Variants in GALNTL6 observed in about 807,000 individuals in gnomAD.
GALNTL6 encodes polypeptide N-acetylgalactosaminyltransferase like 6.
GALNTL6 carries 46 observed loss-of-function variants against 73.7 expected under a neutral mutation model. That is an observed-to-expected ratio of 0.62 (90% CI 0.49 to 0.80). The LOEUF (loss-of-function observed/expected upper bound fraction) is 0.80, where lower values mean the gene tolerates loss of function less well. Among genes scored for constraint, GALNTL6 ranks in the 30% least tolerant of loss-of-function variants. The pLI is 0.00. For missense variants in GALNTL6, 604 were observed against 755.0 expected, an observed-to-expected ratio of 0.80 and a Z score of 2.34; for synonymous variants, 259 against 263.7, an observed-to-expected ratio of 0.98 and a Z score of 0.17.
At chr4:172,536,850 A>G (rs1445400070) in intron 5 of GALNTL6, among the ~76,000 whole-genome samples, 1 of 152,202 alleles carries the variant, frequency 6.6e-6, no homozygotes, top group African/African-American at 2.4e-5. Flanking sequence ...GAGGAGCCAA[A>G]TGCTAATCAC....
intron 5 of GALNTL6, among the ~76,000 whole-genome samples, chr4:172,464,280 A>G (rs1362545876): frequency 6.6e-6 from 1 of 152,170 alleles, no homozygotes; most frequent in Non-Finnish European, 1.5e-5. Flanking sequence ...CAGGGGTAAT[A>G]ATAATAGTAA....
At chr4:171,945,348 T>G (rs1437195410) in intron 2 of GALNTL6, among the ~76,000 whole-genome samples, 1 of 152,054 alleles carries the variant, frequency 6.6e-6, no homozygotes, top group Admixed American at 6.6e-5. Context: ...TATGACCTGT[T>G]TAGAATTCTT....
chr4:172,760,157 A>G (rs999476238), intron 5 of GALNTL6, among the ~76,000 whole-genome samples: 3 of 151,722 alleles, frequency 2.0e-5, no homozygotes, highest in African/African-American at 4.8e-5. Flanking sequence ...TCTTATGTCA[A>G]CTTGGATTGT....
chr4:172,989,583 C>G (rs867127069), intron 10 of GALNTL6, among the ~76,000 whole-genome samples: 4 of 152,060 alleles, frequency 2.6e-5, no homozygotes, highest in African/African-American at 9.7e-5. Context: ...GCAGACTTCT[C>G]CCTTGCTGTT....
In GALNTL6 at chr4:171,982,336, C is replaced by T. The variant is rs548911472; in HGVS notation, c.138+167618C>T. The stretch of plus-strand genomic sequence containing the variant: ...TTTTTGATACGGAGTCTCGCTCTGT[C>T]ACCCAGGCTGGAGTGCAGTGGCGCG... On this transcript the variant is annotated intron_variant, in intron 2 of 12. Coordinates refer to ENST00000506823, the MANE Select transcript of GALNTL6 (RefSeq NM_001034845.3). 2.5e-3 allele frequency among the ~76,000 whole-genome samples: 388 copies of T among 152,258 alleles called. 3 individuals are homozygous for T. Among genetic ancestry groups the T allele is most frequent in the Non-Finnish European group, 4.7e-3 (317 of 68,006 alleles).
intron 2 of GALNTL6, among the ~76,000 whole-genome samples, chr4:172,060,835 C>G (rs1215879598): frequency 2.6e-5 from 4 of 152,134 alleles, no homozygotes; most frequent in Admixed American, 1.3e-4. Context: ...TACAATGGAA[C>G]TGACTTATTT....
At chr4:172,841,749 C>A (rs992533057) in intron 7 of GALNTL6, among the ~76,000 whole-genome samples, 1 of 152,182 alleles carries the variant, frequency 6.6e-6, no homozygotes, top group Admixed American at 6.5e-5. Context: ...ATAATCCAAT[C>A]ACTTCCCTCC....
intron 5 of GALNTL6, among the ~76,000 whole-genome samples, chr4:172,376,658 G>T (rs187025162): frequency 1.9e-3 from 289 of 152,156 alleles, no homozygotes; most frequent in African/African-American, 6.6e-3. Context: ...AAGCAAAAGG[G>T]GTCCGATGGT....
At chr4:172,910,227 C>G (rs1420998691) in intron 8 of GALNTL6, among the ~76,000 whole-genome samples, 1 of 152,118 alleles carries the variant, frequency 6.6e-6, no homozygotes, top group Non-Finnish European at 1.5e-5. Context: ...GTGAAAATGA[C>G]ATTGCTATTG....
At chr4:171,910,539 C>T (rs149513603) in intron 2 of GALNTL6, among the ~76,000 whole-genome samples, 66 of 150,448 alleles carry the variant, frequency 4.4e-4, no homozygotes, top group African/African-American at 1.6e-3. Context: ...ATGCTAAAGA[C>T]CCAAGTTATA....
chr4:172,444,372 C>T (rs1419278511), intron 5 of GALNTL6, among the ~76,000 whole-genome samples: 1 of 152,186 alleles, frequency 6.6e-6, no homozygotes, highest in Admixed American at 6.5e-5. Context: ...TTGTTTCCAA[C>T]TCTTTGCTAT....
chr4:172,028,318 T>A (rs1485609619), intron 2 of GALNTL6, among the ~76,000 whole-genome samples: 2 of 151,212 alleles, frequency 1.3e-5, no homozygotes, highest in East Asian at 3.9e-4. Context: ...CAAAAAAATA[T>A]AAAGTTGACA....
intron 2 of GALNTL6, among the ~76,000 whole-genome samples, chr4:171,852,412 A>G (rs115654243): frequency 0.012 from 1,813 of 152,192 alleles, 40 homozygotes; most frequent in African/African-American, 0.041. Flanking sequence ...AAACTTGAAA[A>G]CTATATATAG....
intron 10 of GALNTL6, among the ~76,000 whole-genome samples, chr4:172,973,651 T>G (rs1196640398): frequency 6.6e-6 from 1 of 152,234 alleles, no homozygotes; most frequent in Non-Finnish European, 1.5e-5. Flanking sequence ...AAAAGAGATA[T>G]TTTAGATAAC....
intron 10 of GALNTL6, among the ~76,000 whole-genome samples, chr4:172,986,140 G>A (rs1751282296): frequency 6.6e-6 from 1 of 152,216 alleles, no homozygotes; most frequent in East Asian, 1.9e-4. Context: ...TTCTTTCACT[G>A]TCATAATTTT....
chr4:172,601,821 A>G (rs1738060858), intron 5 of GALNTL6, among the ~76,000 whole-genome samples: 1 of 147,526 alleles, frequency 6.8e-6, no homozygotes, highest in African/African-American at 2.6e-5. Context: ...TATTCAAAGA[A>G]ATAGTGGCTG....
At chr4:172,199,367 C>G (rs1735882531) in intron 2 of GALNTL6, among the ~76,000 whole-genome samples, 1 of 152,132 alleles carries the variant, frequency 6.6e-6, no homozygotes, top group Non-Finnish European at 1.5e-5. Flanking sequence ...ATTCCTCGTG[C>G]TTAGATCAAA....
intron 8 of GALNTL6, among the ~76,000 whole-genome samples, chr4:172,923,824 G>A (rs539157354): frequency 6.6e-6 from 1 of 152,152 alleles, no homozygotes; most frequent in East Asian, 1.9e-4. Flanking sequence ...AAAAGAGCTT[G>A]TGCAGGAAAA....
intron 2 of GALNTL6, among the ~76,000 whole-genome samples, chr4:172,117,222 G>A (rs933860343): frequency 6.6e-6 from 1 of 152,072 alleles, no homozygotes. Context: ...CTATTTTTCA[G>A]TCGTGTTTTA....
Sources: gnomAD v4.1 joint callset for allele counts (sites outside exome capture counted in the v4.1 genomes callset) on GRCh38, gnomAD v4.1.1 for gene constraint, MANE v1.5 for transcripts, NCBI Gene and HGNC (gene_info 2026-07-23, HGNC 2026-07-21) for gene names.